MIX23: variants seen among roughly 807,000 people sequenced by gnomAD.
MIX23 encodes the protein protein MIX23.
In MIX23, 13 loss-of-function variants were observed where a neutral mutation model predicts 21.6. The observed-to-expected ratio is 0.60, with a 90% CI of 0.39 to 0.96. The LOEUF is 0.96. MIX23 is among the 40% of genes least tolerant of loss of function. The pLI, the probability that MIX23 is intolerant of heterozygous loss-of-function variation, is 0.00. For synonymous variants in MIX23, 59 were observed against 58.0 expected (o/e 1.02, Z -0.08); for missense variants, 144 against 171.2 (o/e 0.84, Z 0.89).
chr3:122,378,708 C>T (rs541696814), intron 1 of MIX23, among the ~76,000 whole-genome samples: 2 of 152,186 alleles, frequency 1.3e-5, no homozygotes, highest in East Asian at 1.9e-4. Context: ...ATGGGACCAC[C>T]GTTGTATATG....
At chr3:122,377,162 C>T (rs139509307) in intron 1 of MIX23, among the ~76,000 whole-genome samples, 2 of 152,180 alleles carry the variant, frequency 1.3e-5, no homozygotes, top group Non-Finnish European at 2.9e-5. Flanking sequence ...GCCTGGGTGA[C>T]AAAGCGAGAC....
intron 1 of MIX23, among the ~76,000 whole-genome samples, chr3:122,381,429 G>A (rs1239374733): frequency 6.6e-6 from 1 of 152,160 alleles, no homozygotes; most frequent in Non-Finnish European, 1.5e-5. Flanking sequence ...GTCCCTATAA[G>A]AAGAGGAAGA....
intron 3 of MIX23, chr3:122,367,889 CTTGTCT>C: frequency 1.3e-5 from 5 of 385,444 alleles, no homozygotes; most frequent in South Asian, 1.2e-4. Context: ...GTAGTGATCC[CTTGTCT>C]TTAATAGTGG....
chr3:122,375,969 C>A (rs2075483165), intron 1 of MIX23, among the ~76,000 whole-genome samples: 1 of 151,620 alleles, frequency 6.6e-6, no homozygotes, highest in South Asian at 2.1e-4. Context: ...CGAGATCAGC[C>A]TGACCAACAT....
In MIX23 at chr3:122,359,879, T is replaced by G. The variant is rs780293593; in HGVS notation, c.425A>C (p.Lys142Thr). 6.4e-7 allele frequency: 1 copy of G among 1,552,098 alleles called. No homozygotes were observed. Among genetic ancestry groups the G allele is most frequent in the Middle Eastern group, 1.7e-4 (1 of 5,834 alleles). Residue 142 changes from lysine to threonine, a missense_variant, in exon 5 of 5, where the codon AAG becomes ACG. Physicochemically the swap from Lys to Thr is moderately conservative, Grantham distance 78. Coordinates refer to ENST00000291458, the MANE Select transcript of MIX23 (RefSeq NM_001017928.4). ...ERCRIHFKPPKNE is the reference protein window; with the variant it reads ...ERCRIHFKPPTNE ...AAAAAGAATCTCTCTTTATTCATTC[T>G]TTGGAGGCTTGAAGTGAATTCGGCA...
At chr3:122,367,938 C>A in intron 3 of MIX23, 1 of 495,790 alleles carries the variant, frequency 2.0e-6, no homozygotes, top group Non-Finnish European at 3.6e-6. Flanking sequence ...TAAATTATGA[C>A]TGTGCTTATT....
chr3:122,371,703 C>G lies in MIX23; in HGVS notation c.149G>C (p.Ser50Thr), dbSNP rs372871382. ...TASFAGKIDA[S>T]QTCKQLYESL... ...CTCATAAAGTTGTTTACAGGTTTGG[C>G]TGGCATCAATTTTCCCTGCAAAGGA... is the stretch of plus-strand genomic sequence containing the variant. The change falls in exon 2 of 5, where the codon AGC becomes ACC. Residue 50 changes from serine (S) to threonine (T), a missense_variant. Ser to Thr is a moderately conservative substitution (Grantham distance 58, BLOSUM62 1). Transcript: ENST00000291458. 6.2e-7 allele frequency: 1 copy of G among 1,612,266 alleles called. No individual in the cohort carries two copies. Among genetic ancestry groups the G allele is most frequent in the African/African-American group, 1.3e-5 (1 of 74,858 alleles).
chr3:122,383,216 C>T lies in MIX23; in HGVS notation c.9G>A (p.Ala3=), dbSNP rs779172212. Residue 3 remains alanine (A), a synonymous_variant, in exon 1 of 5, where the codon GCG becomes GCA. Transcript: ENST00000291458. ...CCTCACAGTTCACACCGCCACTGGG[C>T]GCCGCCATATTGGACAAACACGAGG... MA[A]PSGGVNCEEF... 11 of 1,612,860 alleles carry T rather than the reference C, an allele frequency of 6.8e-6. No individual in the cohort carries two copies. The South Asian group carries it at 1.1e-4, about 16-fold the overall frequency.
chr3:122,372,841 A>C (rs1273902862), intron 1 of MIX23: 3 of 233,172 alleles, frequency 1.3e-5, no homozygotes, highest in Admixed American at 5.3e-5. Flanking sequence ...AAAAAAAGAA[A>C]GAACGAATGA....
chr3:122,363,046 TTGAAGTTATAAAATTTAAAGAGCAAGA>T lies in MIX23; in HGVS notation c.325-46_325-20del, dbSNP rs778222092. The T allele has an allele frequency of 1.3e-6, 2 of 1,532,570 alleles. No individual in the cohort carries two copies. Among genetic ancestry groups the T allele is most frequent in the African/African-American group, 2.8e-5 (2 of 72,220 alleles). The allele number at this position is 1,532,570 out of a possible 1,614,324, so 94.9% of individuals were successfully genotyped here. On this transcript the variant is annotated intron_variant, in intron 3 of 4. Coordinates refer to ENST00000291458, the MANE Select transcript of MIX23 (RefSeq NM_001017928.4). ...ATTTCAACTGCAAGAAAAAAAAAAA[TTGAAGTTATAAAATTTAAAGAGCAAGA>T]AAAAAAACTGAAGTTATAAAATTTA...
chr3:122,381,961 C>A (rs1408942572), intron 1 of MIX23, among the ~76,000 whole-genome samples: 1 of 152,090 alleles, frequency 6.6e-6, no homozygotes. Flanking sequence ...CTTCTAGTCT[C>A]CAGAACTGTG....
chr3:122,382,874 C>T (rs6771201), intron 1 of MIX23, among the ~76,000 whole-genome samples: 52,441 of 152,054 alleles, frequency 0.34, 10,174 homozygotes, highest in East Asian at 0.56. Context: ...GGAACTGCTA[C>T]AAGATTGTTA....
At chr3:122,372,106 T>C (rs945526166) in intron 1 of MIX23, among the ~76,000 whole-genome samples, 2 of 151,928 alleles carry the variant, frequency 1.3e-5, no homozygotes, top group Admixed American at 1.3e-4. Context: ...AAACAGTGTA[T>C]GCTCCTTCCA....
intron 2 of MIX23, 61 bp from the exon 3 acceptor site, chr3:122,368,383 G>T: frequency 1.4e-6 from 2 of 1,457,826 alleles, no homozygotes; most frequent in African/African-American, 1.5e-5. Context: ...ACATTTTAGT[G>T]TTTTTCAAAA....
intron 1 of MIX23, among the ~76,000 whole-genome samples, chr3:122,376,032 C>T (rs538950054): frequency 5.8e-4 from 88 of 151,574 alleles, no homozygotes; most frequent in African/African-American, 2.0e-3. Flanking sequence ...CATGGTGGCG[C>T]GCACCTGTAA....
chr3:122,359,830 T>TTA lies in MIX23; in HGVS notation c.*38_*39insTA, dbSNP rs777269009. The stretch of plus-strand genomic sequence containing the variant: ...AGCTCTTATGAGATGACCCAGTCCT[T>TTA]AAAAAAAAAAAAAAAAAAAAAAAAA... On this transcript the variant is annotated 3_prime_UTR_variant, in exon 5 of 5. Transcript: ENST00000291458. 1.4e-4 allele frequency: 143 copies of TTA among 1,007,804 alleles called. 3 individuals are homozygous for TTA. In the African/African-American group the frequency reaches 3.4e-3, roughly 24 times the overall value. 62.4% of individuals were successfully genotyped at this position (1,007,804 alleles called of 1,614,324 possible). A position where few individuals can be genotyped will look rare whatever the true frequency, so the allele number is the denominator to read the frequency against.
At chr3:122,366,292 G>A (rs1464467702) in intron 3 of MIX23, among the ~76,000 whole-genome samples, 1 of 152,110 alleles carries the variant, frequency 6.6e-6, no homozygotes, top group Non-Finnish European at 1.5e-5. Flanking sequence ...ACTGTCCAAG[G>A]GATCCACCAG....
intron 1 of MIX23, among the ~76,000 whole-genome samples, chr3:122,375,356 A>G (rs1576237943): frequency 6.6e-6 from 1 of 152,358 alleles, no homozygotes; most frequent in East Asian, 1.9e-4. Context: ...AGACTTGGAA[A>G]GAGTAGGAAC....
Position 122,370,819 on chromosome 3 carries a change from T to C in MIX23, c.177+856A>G, listed in dbSNP as rs1479311627. On this transcript the variant is annotated intron_variant, in intron 2 of 4. Transcript: ENST00000291458. ...CTACTCATTAAAGTCCACAATCTTATGATTTTCTCAAAGAAGACTTACCTG... is the reference window on the plus strand; with the variant it reads ...CTACTCATTAAAGTCCACAATCTTACGATTTTCTCAAAGAAGACTTACCTG... Among the ~76,000 whole-genome samples the C allele has an allele frequency of 2.0e-5, 3 of 152,340 alleles. No homozygotes were observed. The East Asian group carries it at 5.8e-4, about 29-fold the overall frequency.
Sources: allele counts gnomAD v4.1 joint callset (sites outside exome capture counted in the v4.1 genomes callset), GRCh38; gene constraint gnomAD v4.1.1; transcripts MANE v1.5; gene names NCBI Gene and HGNC (gene_info 2026-07-23, HGNC 2026-07-21).